The following PRP4K variants were observed in gnomAD, a reference collection of about 807,000 sequenced individuals.
The protein encoded by PRP4K is pre-mRNA processing factor kinase PRP4K.
the PRP4K span, among the ~76,000 whole-genome samples, chr6:4,054,982 A>G: frequency 5.9e-5 from 9 of 152,368 alleles, no homozygotes; most frequent in African/African-American, 1.9e-4. Context: ...AGGTTTTCAC[A>G]TACATTTAAG....
the PRP4K span, chr6:4,063,574 A>G: frequency 6.6e-6 from 1 of 152,314 alleles, no homozygotes; most frequent in African/African-American, 2.4e-5. Context: ...CCAGTGTTCC[A>G]GTCTTAAAGT....
the PRP4K span, chr6:4,041,020 A>G: frequency 3.4e-5 from 44 of 1,280,858 alleles, no homozygotes; most frequent in Non-Finnish European, 4.7e-5. Context: ...CCTAAATATT[A>G]TAAGTGGCTC....
the PRP4K span, chr6:4,032,195 A>G: frequency 6.2e-7 from 1 of 1,614,046 alleles, no homozygotes; most frequent in Non-Finnish European, 8.5e-7. Flanking sequence ...CTAAAAGCCC[A>G]TCCAAAAGAA....
the PRP4K span, among the ~76,000 whole-genome samples, chr6:4,028,083 G>A: frequency 6.6e-6 from 1 of 152,166 alleles, no homozygotes; most frequent in Non-Finnish European, 1.5e-5. Flanking sequence ...TGGGGACAAA[G>A]GATGAGAATA....
At chr6:4,036,836 T>C in the PRP4K span, among the ~76,000 whole-genome samples, 2 of 151,738 alleles carry the variant, frequency 1.3e-5, no homozygotes, top group East Asian at 3.9e-4. Context: ...AAACAAAATA[T>C]TAGTCAGGTG....
At chr6:4,046,073 A>G in the PRP4K span, among the ~76,000 whole-genome samples, 1 of 152,178 alleles carries the variant, frequency 6.6e-6, no homozygotes, top group African/African-American at 2.4e-5. Flanking sequence ...GTTTCTGTCT[A>G]TTCATTGGGT....
chr6:4,047,941 CA>C, the PRP4K span, among the ~76,000 whole-genome samples: 18 of 140,890 alleles, frequency 1.3e-4, no homozygotes, highest in African/African-American at 4.9e-4. Context: ...CACACACACA[CA>C]CACAGAGCAA....
chr6:4,049,189 G>A, the PRP4K span: 1 of 1,073,284 alleles, frequency 9.3e-7, no homozygotes, highest in Non-Finnish European at 1.3e-6. Context: ...ACAGATTATT[G>A]GAGAACTCTG....
the PRP4K span, among the ~76,000 whole-genome samples, chr6:4,053,668 T>G: frequency 6.6e-6 from 1 of 152,198 alleles, no homozygotes; most frequent in African/African-American, 2.4e-5. Flanking sequence ...CCCCATTACT[T>G]TACCCTGTTT....
chr6:4,021,577 T>G, the PRP4K span: 1 of 1,457,616 alleles, frequency 6.9e-7, no homozygotes, highest in Non-Finnish European at 9.4e-7. Context: ...AAACTTTGCT[T>G]TTTCCGGCGC....
the PRP4K span, chr6:4,032,294 T>C: frequency 6.2e-7 from 1 of 1,613,222 alleles, no homozygotes; most frequent in African/African-American, 1.3e-5. Flanking sequence ...GATCTCCTAC[T>C]GATGATAAGG....
chr6:4,063,176 A>AT, the PRP4K span: 1 of 152,166 alleles, frequency 6.6e-6, no homozygotes, highest in Non-Finnish European at 1.5e-5. Flanking sequence ...TTTTTGTCTA[A>AT]TTTTTTAGTT....
chr6:4,031,714 A>G, the PRP4K span: 2 of 1,601,994 alleles, frequency 1.2e-6, no homozygotes, highest in Non-Finnish European at 1.7e-6. Flanking sequence ...GAAGACAAGG[A>G]TAAAAAACAT....
At chr6:4,060,684 A>T in the PRP4K span, 1 of 1,329,454 alleles carries the variant, frequency 7.5e-7, no homozygotes, top group Non-Finnish European at 1.0e-6. This position sits in a 1 kb window ranked among gnomAD's most constrained non-coding sequence, Gnocchi z 4.7. Flanking sequence ...GCAGTTTATT[A>T]ATGTATATAA....
At chr6:4,032,206 G>A in the PRP4K span, 3 of 1,614,016 alleles carry the variant, frequency 1.9e-6, no homozygotes, top group Admixed American at 1.7e-5. Context: ...TCCAAAAGAA[G>A]TAAGTCTCAA....
At chr6:4,027,608 TGG>T in the PRP4K span, among the ~76,000 whole-genome samples, 1 of 30,938 alleles carries the variant, frequency 3.2e-5, no homozygotes, top group Non-Finnish European at 6.1e-5. Context: ...GGTGGGGGGG[TGG>T]GGTGGGGGTT....
the PRP4K span, among the ~76,000 whole-genome samples, chr6:4,043,582 G>A: frequency 6.6e-6 from 1 of 152,146 alleles, no homozygotes; most frequent in Non-Finnish European, 1.5e-5. Context: ...ATCAGGTCCA[G>A]TGCTGCCACC....
chr6:4,043,843 A>G, the PRP4K span: 2 of 1,614,070 alleles, frequency 1.2e-6, no homozygotes, highest in East Asian at 2.2e-5. Context: ...AGATAGCAAC[A>G]TGTCTGTGCC....
chr6:4,051,364 C>T, the PRP4K span, among the ~76,000 whole-genome samples: 2 of 151,828 alleles, frequency 1.3e-5, no homozygotes, highest in African/African-American at 2.4e-5. Flanking sequence ...CCCAGGCTGG[C>T]GTGCGGTGGT....
Sources: gnomAD v4.1 joint callset for allele counts (sites outside exome capture counted in the v4.1 genomes callset) on GRCh38, gnomAD v4.1.1 for gene constraint, Gnocchi (gnomAD v3.1) non-coding constraint, MANE v1.5 for transcripts, NCBI Gene and HGNC (gene_info 2026-07-23, HGNC 2026-07-21) for gene names.